FRYL: variants seen among roughly 807,000 people sequenced by gnomAD.
The protein encoded by FRYL is FRY like transcription coactivator.
In FRYL, 150 loss-of-function variants were observed where a neutral mutation model predicts 351.2. The observed-to-expected ratio is 0.43, with a 90% CI of 0.37 to 0.49. The LOEUF (loss-of-function observed/expected upper bound fraction) is 0.49. FRYL is among the 20% of genes least tolerant of loss of function. The pLI is 0.00. For synonymous variants in FRYL, 1,153 were observed against 1,257.1 expected (o/e 0.92, Z 1.75); for missense variants, 3,036 against 3,619.3 (o/e 0.84, Z 4.13).
chr4:48,504,617 C>T (rs747251698), intron 60 of FRYL, among the ~76,000 whole-genome samples: 1 of 152,040 alleles, frequency 6.6e-6, no homozygotes, highest in Non-Finnish European at 1.5e-5. Flanking sequence ...TGGAGTCAGC[C>T]TGCCTAGGTT....
intron 3 of FRYL, among the ~76,000 whole-genome samples, chr4:48,640,362 G>A (rs1755085816): frequency 6.6e-6 from 1 of 152,128 alleles, no homozygotes; most frequent in Non-Finnish European, 1.5e-5. Flanking sequence ...GTAAAGACAT[G>A]AAGGAATCTT....
At chr4:48,574,854 T>TTG (rs1739247284) in intron 25 of FRYL, among the ~76,000 whole-genome samples, 4 of 152,174 alleles carry the variant, frequency 2.6e-5, no homozygotes, top group African/African-American at 9.7e-5. Flanking sequence ...TTATATGGCA[T>TTG]TTCATTATTT....
chr4:48,554,377 C>T lies in FRYL; in HGVS notation c.4267-994G>A, dbSNP rs533234487. On this transcript the variant is annotated intron_variant, in intron 35 of 63. Coordinates refer to ENST00000358350, the MANE Select transcript of FRYL (RefSeq NM_015030.2). ...TTTTTGAGACGGAGTCTCGCTCTGT[C>T]GCCCAGGCTAGAGTGCAGTGGCACC... Among the ~76,000 whole-genome samples, 36 of 151,314 alleles carry T rather than the reference C, an allele frequency of 2.4e-4. 1 individual carries two copies. In the East Asian group the frequency reaches 5.0e-3, roughly 21 times the overall value.
intron 3 of FRYL, among the ~76,000 whole-genome samples, chr4:48,656,466 TATA>T (rs1759179312): frequency 7.5e-6 from 1 of 133,364 alleles, no homozygotes; most frequent in Non-Finnish European, 1.5e-5. Flanking sequence ...ATCATGTACA[TATA>T]ATGTATATAG....
intron 3 of FRYL, among the ~76,000 whole-genome samples, chr4:48,671,858 C>CAAAAAAA (rs1226492542): frequency 0.01 from 228 of 22,354 alleles, 40 homozygotes; most frequent in Non-Finnish European, 0.017. Context: ...GTCTCAAAAA[C>CAAAAAAA]AAAAAAAAAA....
chr4:48,578,227 A>G (rs1293789910), intron 23 of FRYL, among the ~76,000 whole-genome samples: 1 of 152,134 alleles, frequency 6.6e-6, no homozygotes, highest in Non-Finnish European at 1.5e-5. Flanking sequence ...GTAAGAAAAA[A>G]GGTACAGAGT....
intron 3 of FRYL, among the ~76,000 whole-genome samples, chr4:48,661,823 T>C (rs982903316): frequency 1.3e-5 from 2 of 151,884 alleles, no homozygotes; most frequent in African/African-American, 2.4e-5. Flanking sequence ...ACGGCAATTA[T>C]AAATAAGTTC....
chr4:48,669,025 G>C (rs1319118995), intron 3 of FRYL, among the ~76,000 whole-genome samples: 1 of 151,832 alleles, frequency 6.6e-6, no homozygotes, highest in South Asian at 2.1e-4. Flanking sequence ...TTTTAAAACC[G>C]TATCTTTATT....
chr4:48,679,281 A>G (rs1236930790), intron 3 of FRYL, among the ~76,000 whole-genome samples: 1 of 152,158 alleles, frequency 6.6e-6, no homozygotes, highest in Non-Finnish European at 1.5e-5. Flanking sequence ...ACATCAATAT[A>G]TATTTCTTTT....
rs764222879 is a variant in FRYL at position 48,547,566 on chromosome 4, T to C, written c.5074+18A>G. The C allele has an allele frequency of 7.1e-7, 1 of 1,416,542 alleles. No individual in the cohort carries two copies. Among genetic ancestry groups the C allele is most frequent in the African/African-American group, 1.4e-5 (1 of 70,574 alleles). The allele number at this position is 1,416,542 out of a possible 1,614,324, so 87.7% of individuals were successfully genotyped here. ...AAAGTATAATTCTACTTTCAAATTG[T>C]ACATTTAAAGCAAATACCTGTGAAA... is the stretch of plus-strand genomic sequence containing the variant. On this transcript the variant is annotated intron_variant, in intron 41 of 63. Transcript: ENST00000358350.
At chr4:48,764,863 G>A (rs1205396707) in intron 1 of FRYL, among the ~76,000 whole-genome samples, 2 of 151,522 alleles carry the variant, frequency 1.3e-5, no homozygotes, top group Non-Finnish European at 2.9e-5. Context: ...TTTTTTCCCC[G>A]AGATGAAGTC....
In FRYL at chr4:48,499,229, T is replaced by C. The variant is rs565082794; in HGVS notation, c.*193A>G. ...CTTCACGCAGTTATTGTGGGAGATA[T>C]TGGCAGCTGTTAAAATATCAGATGT... On this transcript the variant is annotated 3_prime_UTR_variant, in exon 64 of 64. Transcript: ENST00000358350. The C allele has an allele frequency of 1.6e-5, 9 of 563,110 alleles. No homozygotes were observed. The highest frequency in any genetic ancestry group is 1.2e-4 in the East Asian group (4 of 33,556). The allele number at this position is 563,110 out of a possible 1,614,324, so 34.9% of individuals were successfully genotyped here.
chr4:48,546,071 A>T lies in FRYL; in HGVS notation c.5275T>A (p.Ser1759Thr), dbSNP rs1731276236. The stretch of plus-strand genomic sequence containing the variant: ...GATAAGAGCTGCCAGTGTTACCTTG[A>T]GGTAATGAATTCCATGAGGGTTTTG... ...KVKTLMEFIT[S>T]RKRGPLWNHE... The change falls in exon 42 of 64, where the codon TCA becomes ACA. Residue 1759 changes from serine to threonine, a missense_variant. Physicochemically the swap from Ser to Thr is moderately conservative, Grantham distance 58 (BLOSUM62 1). Coordinates refer to ENST00000358350, the MANE Select transcript of FRYL (RefSeq NM_015030.2). 6.2e-7 allele frequency: 1 copy of T among 1,612,210 alleles called. No individual in the cohort carries two copies. The highest frequency in any genetic ancestry group is 1.7e-5 in the Admixed American group (1 of 59,830).
chr4:48,697,423 C>A (rs1306790399), intron 2 of FRYL, among the ~76,000 whole-genome samples: 2 of 152,158 alleles, frequency 1.3e-5, no homozygotes, highest in Non-Finnish European at 2.9e-5. Flanking sequence ...ATCTCCAGCT[C>A]TAGTTTACAT....
At chr4:48,591,955 C>A (rs1334441880) in intron 16 of FRYL, among the ~76,000 whole-genome samples, 1 of 151,564 alleles carries the variant, frequency 6.6e-6, no homozygotes, top group Non-Finnish European at 1.5e-5. Context: ...CCTCTATCTG[C>A]ACCACTACAA....
chr4:48,749,461 C>A (rs1773031072), intron 1 of FRYL, among the ~76,000 whole-genome samples: 1 of 152,176 alleles, frequency 6.6e-6, no homozygotes, highest in Admixed American at 6.5e-5. Context: ...ACTATAAATA[C>A]CTGTGCTGGC....
At chr4:48,748,305 T>C (rs140252113) in intron 1 of FRYL, among the ~76,000 whole-genome samples, 2 of 152,262 alleles carry the variant, frequency 1.3e-5, no homozygotes, top group East Asian at 3.9e-4. Flanking sequence ...CTGACATCCA[T>C]TCGCCACTCC....
chr4:48,708,897 A>G (rs1440348272), intron 2 of FRYL, among the ~76,000 whole-genome samples: 2 of 147,500 alleles, frequency 1.4e-5, no homozygotes, highest in African/African-American at 5.0e-5. Context: ...CTTAGCTTCA[A>G]AAGGTATCGT....
At chr4:48,696,006 T>C (rs915716977) in intron 2 of FRYL, among the ~76,000 whole-genome samples, 60 of 152,168 alleles carry the variant, frequency 3.9e-4, no homozygotes, top group African/African-American at 1.4e-3. Flanking sequence ...ACAATGGCGA[T>C]GATCAAAAAG....
Sources: allele counts gnomAD v4.1 joint callset (sites outside exome capture counted in the v4.1 genomes callset), GRCh38; gene constraint gnomAD v4.1.1; transcripts MANE v1.5; gene names NCBI Gene and HGNC (gene_info 2026-07-23, HGNC 2026-07-21).